The following GABPA variants were observed in gnomAD, a reference collection of about 807,000 sequenced individuals.
GABPA encodes the protein GA binding protein transcription factor subunit alpha.
A neutral mutation model predicts 59.4 loss-of-function variants in GABPA; 4 were observed. That is an observed-to-expected ratio of 0.07 (90% confidence interval 0.03 to 0.15). The LOEUF is 0.15. Among genes scored for constraint, GABPA ranks in the 10% least tolerant of loss-of-function variants. The probability of loss-of-function intolerance (pLI) is 1.00; values close to 1 mark genes in which losing one functional copy is unlikely to be tolerated. For missense variants in GABPA, 251 were observed against 543.8 expected (o/e 0.46, Z 5.36); for synonymous variants, 164 against 183.1 (o/e 0.90, Z 0.84).
intron 1 of GABPA, among the ~76,000 whole-genome samples, chr21:25,739,238 T>C (rs377066773): frequency 6.6e-6 from 1 of 152,202 alleles, no homozygotes. Context: ...AGCTACCCCA[T>C]AGTTGGAGAT....
Position 25,769,148 on chromosome 21 carries a change from A to G in GABPA, c.1281A>G (p.Ala427=), listed in dbSNP as rs764693867. 12 of 1,612,452 alleles carry G rather than the reference A, an allele frequency of 7.4e-6. No homozygotes were observed. In the South Asian group the frequency reaches 1.2e-4, roughly 16 times the overall value. The change falls in exon 10 of 10, where the codon GCA becomes GCG. Residue 427 remains alanine (A), a synonymous_variant. Coordinates refer to ENST00000400075, the MANE Select transcript of GABPA (RefSeq NM_002040.4). ...LVTECEQKKL[A]KMQLHGIAQP... ...CAGAATGTGAACAGAAGAAACTTGC[A>G]AAGATGCAGCTCCATGGAATTGCCC...
chr21:25,741,692 T>A lies in GABPA; in HGVS notation c.77+17T>A. ...AGAAGAAAGGTTGGTGTTTCTGAAT[T>A]TATCATTTTTTTTCAAAATATCAAT... On this transcript the variant is annotated intron_variant, in intron 2 of 9. Transcript: ENST00000400075. 1 of 1,560,146 alleles carries A rather than the reference T, an allele frequency of 6.4e-7. No homozygotes were observed. The highest frequency in any genetic ancestry group is 8.8e-7 in the Non-Finnish European group (1 of 1,140,432).
intron 4 of GABPA, among the ~76,000 whole-genome samples, chr21:25,750,954 A>G (rs1203847492): frequency 1.3e-5 from 2 of 152,308 alleles, no homozygotes; most frequent in African/African-American, 2.4e-5. Flanking sequence ...GAATGATAGT[A>G]GTAGTTTCTT....
chr21:25,740,544 A>G (rs1446963453), intron 1 of GABPA, among the ~76,000 whole-genome samples: 6 of 152,256 alleles, frequency 3.9e-5, no homozygotes, highest in Non-Finnish European at 8.8e-5. Flanking sequence ...CATGTCCACA[A>G]AGAAATATCT....
chr21:25,758,660 A>T (rs2035693371), intron 6 of GABPA, among the ~76,000 whole-genome samples: 1 of 152,216 alleles, frequency 6.6e-6, no homozygotes, highest in South Asian at 2.1e-4. Flanking sequence ...TTCATTATTG[A>T]TGAGATTAAA....
intron 5 of GABPA, among the ~76,000 whole-genome samples, chr21:25,753,731 G>A (rs1457997088): frequency 6.6e-6 from 1 of 152,140 alleles, no homozygotes; most frequent in Non-Finnish European, 1.5e-5. Flanking sequence ...AAGAATGCTG[G>A]GGTAACAAAT....
Position 25,745,302 on chromosome 21 carries a change from C to T in GABPA, c.170C>T (p.Pro57Leu). The T allele has an allele frequency of 6.2e-7, 1 of 1,613,774 alleles. No homozygotes were observed. Among genetic ancestry groups the T allele is most frequent in the Non-Finnish European group, 8.5e-7 (1 of 1,179,692 alleles). The change falls in exon 3 of 10, where the codon CCA (proline) becomes CTA (leucine). Residue 57 changes from proline to leucine, a missense_variant. By Grantham distance (98) the Pro-to-Leu change is moderately conservative. Transcript: ENST00000400075. Reference sequence around the variant, plus strand: ...GGCAATTTAAAGAAACTGCTAGAACCAAGACTACAGTGTTCTTTGGATGCT... The same window carrying T: ...GGCAATTTAAAGAAACTGCTAGAACTAAGACTACAGTGTTCTTTGGATGCT... Reference protein sequence around the residue: ...PIGNLKKLLEPRLQCSLDAHE... With the variant: ...PIGNLKKLLELRLQCSLDAHE...
chr21:25,734,999 G>C lies in GABPA; in HGVS notation c.-606G>C, dbSNP rs769809435. 6.5e-6 allele frequency: 10 copies of C among 1,547,242 alleles called. No individual in the cohort carries two copies. In the East Asian group the frequency reaches 2.2e-4, roughly 34 times the overall value. On this transcript the variant is annotated 5_prime_UTR_variant, in exon 1 of 10. Transcript: ENST00000400075. ...TCGGTCGACGCTCACCGGACAGGAA[G>C]CGTCTCGGAGACAGTCTGCGACCGG... is the stretch of plus-strand genomic sequence containing the variant.
chr21:25,746,227 C>T (rs1390024243), intron 3 of GABPA, among the ~76,000 whole-genome samples: 1 of 152,088 alleles, frequency 6.6e-6, no homozygotes, highest in Non-Finnish European at 1.5e-5. Context: ...GTTGGCCAGG[C>T]TGCTCTTGAA....
chr21:25,736,226 G>T (rs923762526), intron 1 of GABPA, among the ~76,000 whole-genome samples: 1 of 152,160 alleles, frequency 6.6e-6, no homozygotes, highest in Non-Finnish European at 1.5e-5. Context: ...TTAGCGGACC[G>T]AGAGGACAAT....
chr21:25,745,135 T>A (rs2035329023), intron 2 of GABPA, 75 bp from the exon 3 acceptor site: 14 of 1,506,202 alleles, frequency 9.3e-6, no homozygotes, highest in Non-Finnish European at 1.1e-5. Context: ...TTTGGGATTG[T>A]GTTTTTAGCA....
rs2035996311 is a variant in GABPA, at chr21:25,770,875, T to TCA, written c.*1643_*1644insCA. The TCA allele has an allele frequency of 3.3e-5, 5 of 152,050 alleles. No homozygotes were observed. In the South Asian group the frequency reaches 8.3e-4, roughly 25 times the overall value. The allele number at this position is 152,050 out of a possible 1,614,324, so 9.4% of individuals were successfully genotyped here. A position where few individuals can be genotyped will look rare whatever the true frequency, so the allele number is the denominator to read the frequency against. Reference sequence around the variant, plus strand: ...AAACATGTTCTCAATTCATTCATATTATTAAGCTCTTCCTGCAGTTGATAT... The same window carrying TCA: ...AAACATGTTCTCAATTCATTCATATTCAATTAAGCTCTTCCTGCAGTTGATAT... On this transcript the variant is annotated 3_prime_UTR_variant, in exon 10 of 10. Coordinates refer to ENST00000400075, the MANE Select transcript of GABPA (RefSeq NM_002040.4).
intron 5 of GABPA, among the ~76,000 whole-genome samples, chr21:25,757,595 T>C (rs2035666419): frequency 1.3e-5 from 2 of 152,176 alleles, no homozygotes; most frequent in African/African-American, 2.4e-5. Flanking sequence ...GTTCATAGTT[T>C]GGAGAATAAA....
At chr21:25,758,262 T>C in intron 6 of GABPA, 58 bp downstream of exon 6, 12 of 1,257,644 alleles carry the variant, frequency 9.5e-6, no homozygotes, top group Non-Finnish European at 1.3e-5. Context: ...TATTTCCTTG[T>C]AACTTTGTTT....
chr21:25,748,387 A>G (rs1344232619), intron 3 of GABPA, among the ~76,000 whole-genome samples: 2 of 152,224 alleles, frequency 1.3e-5, no homozygotes, highest in Non-Finnish European at 2.9e-5. Flanking sequence ...CTTTAAGCTG[A>G]TGACAGAAAG....
intron 7 of GABPA, chr21:25,763,019 TA>T (rs2035801309): frequency 2.6e-6 from 1 of 383,664 alleles, no homozygotes. Context: ...CCTTCAGCTT[TA>T]TTCTTTACCT....
intron 3 of GABPA, among the ~76,000 whole-genome samples, chr21:25,746,308 C>T (rs2035363700): frequency 6.6e-6 from 1 of 152,256 alleles, no homozygotes; most frequent in South Asian, 2.1e-4. Flanking sequence ...AGCCAGCGTG[C>T]CTGGCTGAGT....
In GABPA at chr21:25,764,580, C is replaced by A; in HGVS notation, c.944-15C>A. 6.2e-7 allele frequency: 1 copy of A among 1,606,020 alleles called. No individual in the cohort carries two copies. The highest frequency in any genetic ancestry group is 8.5e-7 in the Non-Finnish European group (1 of 1,174,544). ...TAACACTATAGCTAATGCTTTGTTC[C>A]TCTTACCAATTTAGGAAACAATGGC... On this transcript the variant is annotated splice_polypyrimidine_tract_variant and intron_variant, in intron 8 of 9. Coordinates refer to ENST00000400075, the MANE Select transcript of GABPA (RefSeq NM_002040.4).
chr21:25,764,303 C>T lies in GABPA; in HGVS notation c.896C>T (p.Ala299Val), dbSNP rs749355260. 2.9e-5 allele frequency: 46 copies of T among 1,612,142 alleles called. No homozygotes were observed. The highest frequency in any genetic ancestry group is 3.7e-5 in the Non-Finnish European group (44 of 1,179,012). ...GCGAAAGCAGCCAAAGTACAAAGAG[C>T]GCCGAGGATTTCAGGAGAAGATAGA... ...SSAKAAKVQRAPRISGEDRSS... is the reference protein window; with the variant it reads ...SSAKAAKVQRVPRISGEDRSS... Residue 299 changes from alanine (A) to valine (V), a missense_variant, in exon 8 of 10, where the codon GCG (alanine) becomes GTG (valine). Coordinates refer to ENST00000400075, the MANE Select transcript of GABPA (RefSeq NM_002040.4).
Sources: gnomAD v4.1 joint callset for allele counts (sites outside exome capture counted in the v4.1 genomes callset) on GRCh38, gnomAD v4.1.1 for gene constraint, MANE v1.5 for transcripts, NCBI Gene and HGNC (gene_info 2026-07-23, HGNC 2026-07-21) for gene names.